Variants in BBS9 observed in about 807,000 individuals in gnomAD.
The protein encoded by BBS9 is Bardet-Biedl syndrome 9, also known as protein PTHB1.
Under a neutral mutation model 117.7 loss-of-function variants are expected in BBS9, and 89 were observed. That is an observed-to-expected ratio of 0.76 (90% CI 0.64 to 0.90). The LOEUF is 0.90. Ranked by LOEUF, BBS9 falls within the 40% of genes least tolerant of loss-of-function variation. The pLI, the probability that BBS9 is intolerant of heterozygous loss-of-function variation, is 0.00. For synonymous variants in BBS9, 379 were observed against 370.9 expected (o/e 1.02, Z -0.25); for missense variants, 982 against 1,042.2 (o/e 0.94, Z 0.80).
chr7:33,455,578 C>T (rs1838529565), intron 19 of BBS9, among the ~76,000 whole-genome samples: 1 of 152,160 alleles, frequency 6.6e-6, no homozygotes, highest in Non-Finnish European at 1.5e-5. Flanking sequence ...GTTGGTCTGG[C>T]TTTTCCTAGG....
At chr7:33,146,437 A>G in intron 2 of BBS9, 73 bp downstream of exon 2, 1 of 1,236,018 alleles carries the variant, frequency 8.1e-7, no homozygotes, top group Non-Finnish European at 1.2e-6. Context: ...ACGGTGGCCG[A>G]CTGCTGTAAT....
intron 9 of BBS9, among the ~76,000 whole-genome samples, chr7:33,294,345 C>G (rs562112218): frequency 1.7e-3 from 214 of 129,656 alleles, no homozygotes; most frequent in African/African-American, 5.8e-3. Context: ...ATCTATCTAT[C>G]TATCTATCTC....
intron 5 of BBS9, among the ~76,000 whole-genome samples, chr7:33,238,280 GT>G (rs1174234685): frequency 2.6e-5 from 4 of 151,954 alleles, no homozygotes; most frequent in Admixed American, 6.6e-5. Flanking sequence ...AGTGGGGAGT[GT>G]GATTCCTCAA....
At chr7:33,367,640 C>T (rs1822032144) in intron 16 of BBS9, 127 bp from the exon 17 acceptor site, 1 of 761,412 alleles carries the variant, frequency 1.3e-6, no homozygotes, top group South Asian at 1.4e-5. Context: ...TATATTATAG[C>T]TCACACATGG....
At chr7:33,336,355 A>G (rs896803977) in intron 9 of BBS9, 86 bp from the exon 10 acceptor site, 27 of 954,152 alleles carry the variant, frequency 2.8e-5, no homozygotes, top group Non-Finnish European at 4.0e-5. Flanking sequence ...TGGTGTGTTG[A>G]TGCTGAATTG....
At chr7:33,534,702 A>G (rs1851096167) in intron 21 of BBS9, among the ~76,000 whole-genome samples, 2 of 152,124 alleles carry the variant, frequency 1.3e-5, no homozygotes, top group African/African-American at 4.8e-5. Flanking sequence ...GAGAGATTCC[A>G]CTTGCCCCTC....
chr7:33,526,135 C>T (rs1849460660), intron 20 of BBS9, among the ~76,000 whole-genome samples: 2 of 151,682 alleles, frequency 1.3e-5, no homozygotes, highest in South Asian at 4.2e-4. Context: ...GTCTGATGGG[C>T]TTCCCTTTGA....
At chr7:33,293,734 G>A (rs928600388) in intron 9 of BBS9, among the ~76,000 whole-genome samples, 3 of 152,044 alleles carry the variant, frequency 2.0e-5, no homozygotes, top group African/African-American at 7.2e-5. Context: ...ATTAGACTCA[G>A]TACTCTAGTT....
At chr7:33,336,896 GGAA>G (rs1319580168) in intron 10 of BBS9, among the ~76,000 whole-genome samples, 2 of 152,112 alleles carry the variant, frequency 1.3e-5, no homozygotes, top group Non-Finnish European at 2.9e-5. Flanking sequence ...TGCTAAGAAA[GGAA>G]GAAGTACTTC....
intron 5 of BBS9, among the ~76,000 whole-genome samples, chr7:33,231,172 G>A (rs1025774306): frequency 1.4e-5 from 2 of 146,854 alleles, no homozygotes; most frequent in Non-Finnish European, 1.5e-5. Context: ...CTGTTTTTCT[G>A]TCACCCTTTT....
At chr7:33,406,666 A>G (rs1411348128) in intron 19 of BBS9, among the ~76,000 whole-genome samples, 2 of 151,800 alleles carry the variant, frequency 1.3e-5, no homozygotes, top group African/African-American at 4.8e-5. Context: ...TTTGTCTGTA[A>G]AGTATTTTAT....
intron 9 of BBS9, among the ~76,000 whole-genome samples, chr7:33,312,638 G>A (rs577093259): frequency 6.6e-6 from 1 of 152,180 alleles, no homozygotes; most frequent in Non-Finnish European, 1.5e-5. Flanking sequence ...AAGCCTCTTG[G>A]GGAGAAATAG....
chr7:33,400,676 A>G (rs910442516), intron 19 of BBS9, among the ~76,000 whole-genome samples: 6 of 152,158 alleles, frequency 3.9e-5, no homozygotes, highest in African/African-American at 4.8e-5. Context: ...TTATAAGCAT[A>G]TCTATGAACA....
At chr7:33,377,308 T>A (rs1203127796) in intron 17 of BBS9, among the ~76,000 whole-genome samples, 1 of 152,158 alleles carries the variant, frequency 6.6e-6, no homozygotes, top group Admixed American at 6.5e-5. Context: ...TTTGTCAGCT[T>A]TGTTGAAGAT....
At chr7:33,250,118 A>G (rs1795997950) in intron 5 of BBS9, among the ~76,000 whole-genome samples, 1 of 152,206 alleles carries the variant, frequency 6.6e-6, no homozygotes, top group South Asian at 2.1e-4. Context: ...AGTGTGTTAT[A>G]ATGGAGCCAG....
At chr7:33,260,902 T>A (rs73309316) in intron 6 of BBS9, among the ~76,000 whole-genome samples, 17,191 of 152,242 alleles carry the variant, frequency 0.11, 1,150 homozygotes, top group African/African-American at 0.18. Context: ...CAATAGCTCC[T>A]AATACATCAC....
At chr7:33,503,225 G>T (rs958099283) in intron 19 of BBS9, among the ~76,000 whole-genome samples, 1 of 152,136 alleles carries the variant, frequency 6.6e-6, no homozygotes, top group Admixed American at 6.5e-5. Flanking sequence ...AGACAGCAGA[G>T]CGTTAAACAA....
intron 9 of BBS9, among the ~76,000 whole-genome samples, chr7:33,334,307 G>C (rs1814806252): frequency 6.6e-6 from 1 of 152,194 alleles, no homozygotes. Flanking sequence ...TAGCTTTTCT[G>C]TATGATGGAC....
At chr7:33,163,496 C>G (rs565572864) in intron 4 of BBS9, among the ~76,000 whole-genome samples, 1 of 152,138 alleles carries the variant, frequency 6.6e-6, no homozygotes, top group African/African-American at 2.4e-5. Context: ...TAATTATTGC[C>G]TCAATTTCAG....
Sources: allele counts gnomAD v4.1 joint callset (sites outside exome capture counted in the v4.1 genomes callset), GRCh38; gene constraint gnomAD v4.1.1; transcripts MANE v1.5; gene names NCBI Gene and HGNC (gene_info 2026-07-23, HGNC 2026-07-21).